The following COL28A1 variants were observed in gnomAD, a reference collection of about 807,000 sequenced individuals.
COL28A1 encodes the protein collagen alpha-1(XXVIII) chain.
Under a neutral mutation model 150.2 loss-of-function variants are expected in COL28A1, and 161 were observed. The ratio of observed to expected loss-of-function variants is 1.07; its 90% CI spans 0.94 to 1.22. COL28A1 has a LOEUF of 1.22. Among genes scored for constraint, COL28A1 ranks in the 50% most tolerant of loss-of-function variants. COL28A1 has a pLI of 0.00. For synonymous variants in COL28A1, 552 were observed against 469.7 expected, an observed-to-expected ratio of 1.18 and a Z score of -2.26; for missense variants, 1,617 against 1,388.3, an observed-to-expected ratio of 1.16 and a Z score of -2.62.
chr7:7,518,311 CA>C (rs961500734), intron 6 of COL28A1, among the ~76,000 whole-genome samples: 9 of 151,514 alleles, frequency 5.9e-5, no homozygotes, highest in African/African-American at 1.7e-4. Context: ...GTATTTAACA[CA>C]AAAAAAAGAA....
At chr7:7,489,478 A>T (rs547299005) in intron 12 of COL28A1, 21 bp from the exon 13 acceptor site, 3 of 1,038,750 alleles carry the variant, frequency 2.9e-6, no homozygotes, top group East Asian at 4.7e-5. Flanking sequence ...GAAATAATAG[A>T]ATGAAAGCTT....
chr7:7,475,727 A>C (rs1788813361), intron 14 of COL28A1, among the ~76,000 whole-genome samples: 1 of 152,204 alleles, frequency 6.6e-6, no homozygotes, highest in South Asian at 2.1e-4. Flanking sequence ...TATTTGGGCT[A>C]CACATAAATA....
chr7:7,422,240 T>C (rs575218821), intron 25 of COL28A1, among the ~76,000 whole-genome samples: 2 of 152,302 alleles, frequency 1.3e-5, no homozygotes, highest in South Asian at 4.1e-4. Context: ...AATACTCCTC[T>C]TTGCTCAGTC....
chr7:7,392,124 C>T (rs971885133), intron 27 of COL28A1, among the ~76,000 whole-genome samples: 3 of 152,136 alleles, frequency 2.0e-5, no homozygotes, highest in African/African-American at 4.8e-5. Context: ...GCTGGTTGTT[C>T]CTTTCCATGT....
chr7:7,460,321 T>G (rs192740733), intron 15 of COL28A1, among the ~76,000 whole-genome samples: 1 of 152,296 alleles, frequency 6.6e-6, no homozygotes, highest in East Asian at 1.9e-4. Flanking sequence ...TAAGATAATA[T>G]TTTTGAGTGG....
intron 15 of COL28A1, among the ~76,000 whole-genome samples, chr7:7,458,873 A>G (rs1787380521): frequency 6.6e-6 from 1 of 152,228 alleles, no homozygotes; most frequent in African/African-American, 2.4e-5. Flanking sequence ...TGTTAAACAC[A>G]TAAGAGAGGG....
chr7:7,476,359 A>G (rs111248678), intron 14 of COL28A1, among the ~76,000 whole-genome samples: 3,597 of 152,316 alleles, frequency 0.024, 143 homozygotes, highest in African/African-American at 0.082. Flanking sequence ...CAAACTGCCT[A>G]TATCAGGGGA....
At chr7:7,452,521 C>T (rs904253318) in intron 17 of COL28A1, 134 bp from the exon 18 acceptor site, 9 of 1,304,080 alleles carry the variant, frequency 6.9e-6, no homozygotes, top group Non-Finnish European at 8.0e-6. Context: ...GCCTGAAATC[C>T]CTTCGGGGGA....
chr7:7,461,766 C>T (rs1051885108), intron 15 of COL28A1, among the ~76,000 whole-genome samples: 7 of 152,148 alleles, frequency 4.6e-5, no homozygotes, highest in African/African-American at 1.4e-4. Flanking sequence ...AGCTCAGAAA[C>T]ACCTAGCCTT....
At chr7:7,536,342 T>C (rs1217844146), upstream of COL28A1, among the ~76,000 whole-genome samples, 1 of 152,184 alleles carries the variant, frequency 6.6e-6, no homozygotes, top group Non-Finnish European at 1.5e-5. Flanking sequence ...GTATATATAA[T>C]ATACAGGGAA....
rs531037540 is a variant in COL28A1, at chr7:7,398,409, TA to T, written c.2137-16798del. Among the ~76,000 whole-genome samples, 254 of 152,352 alleles carry T rather than the reference TA, an allele frequency of 1.7e-3. 2 individuals are homozygous for T. Among genetic ancestry groups the T allele is most frequent in the Non-Finnish European group, 3.1e-3 (213 of 68,024 alleles). On this transcript the variant is annotated intron_variant, in intron 27 of 34. Transcript: ENST00000399429. ...AGTGATTGGACAAGTAGCAAATGAA[TA>T]TTTGCCAATAATCTCAGCAACAGTC...
At chr7:7,475,574 A>T (rs933133547) in intron 14 of COL28A1, among the ~76,000 whole-genome samples, 1 of 152,212 alleles carries the variant, frequency 6.6e-6, no homozygotes, top group East Asian at 1.9e-4. Flanking sequence ...ACCTCATATA[A>T]TATAAAAGTA....
chr7:7,438,807 G>C (rs1785539119), intron 21 of COL28A1, among the ~76,000 whole-genome samples: 1 of 152,184 alleles, frequency 6.6e-6, no homozygotes, highest in Admixed American at 6.5e-5. Flanking sequence ...TCTACGGTAG[G>C]TGGGCCAAAT....
At chr7:7,346,713 G>C in the COL28A1 span, among the ~76,000 whole-genome samples, 1 of 151,874 alleles carries the variant, frequency 6.6e-6, no homozygotes. Flanking sequence ...ATTCATTTTG[G>C]AAACTCATTT....
At chr7:7,397,574 T>C (rs986617073) in intron 27 of COL28A1, among the ~76,000 whole-genome samples, 3 of 152,344 alleles carry the variant, frequency 2.0e-5, no homozygotes, top group Admixed American at 1.3e-4. Flanking sequence ...ATCATGAATA[T>C]GTGTATGTGC....
chr7:7,511,232 T>G, intron 8 of COL28A1, 97 bp from the exon 9 acceptor site: 3 of 952,606 alleles, frequency 3.1e-6, no homozygotes, highest in Non-Finnish European at 5.0e-6. Context: ...CAGCAGACTC[T>G]TGTAACATAA....
intron 11 of COL28A1, among the ~76,000 whole-genome samples, chr7:7,498,754 T>C (rs1780355171): frequency 6.6e-6 from 1 of 152,210 alleles, no homozygotes; most frequent in Admixed American, 6.5e-5. Flanking sequence ...CATTCTGACA[T>C]CCCTCTGAAG....
intron 11 of COL28A1, among the ~76,000 whole-genome samples, chr7:7,503,712 A>G (rs1780655641): frequency 6.6e-6 from 1 of 152,210 alleles, no homozygotes; most frequent in African/African-American, 2.4e-5. Flanking sequence ...CCAATATGAC[A>G]TGAATCTCCA....
chr7:7,359,775 C>T (rs1415998595), intron 34 of COL28A1, among the ~76,000 whole-genome samples: 4 of 152,082 alleles, frequency 2.6e-5, no homozygotes, highest in African/African-American at 9.7e-5. Context: ...TATGAAGACT[C>T]CCTAGACCAA....
Sources: allele counts gnomAD v4.1 joint callset (sites outside exome capture counted in the v4.1 genomes callset), GRCh38; gene constraint gnomAD v4.1.1; transcripts MANE v1.5; gene names NCBI Gene and HGNC (gene_info 2026-07-23, HGNC 2026-07-21).